The following IFT122 variants were observed in gnomAD, a reference collection of about 807,000 sequenced individuals.
IFT122 encodes the protein intraflagellar transport 122, also known as intraflagellar transport protein 122 homolog.
Under a neutral mutation model 161.6 loss-of-function variants are expected in IFT122, and 118 were observed. That is an observed-to-expected ratio of 0.73 (90% CI 0.63 to 0.85). IFT122 has a LOEUF of 0.85. IFT122 is among the 40% of genes least tolerant of loss of function. IFT122 has a pLI of 0.00. For synonymous variants in IFT122, 550 were observed against 602.4 expected (o/e 0.91, Z 1.27); for missense variants, 1,381 against 1,579.6 (o/e 0.87, Z 2.13).
chr3:129,517,268 G>GCGCGCGCGCGCGCGCGCGCACACACA (rs1553776447), intron 26 of IFT122, among the ~76,000 whole-genome samples: 4 of 117,004 alleles, frequency 3.4e-5, no homozygotes, highest in African/African-American at 9.7e-5. Flanking sequence ...CATTGCTCCT[G>GCGCGCGCGCGCGCGCGCGCACACACA]CACACACACA....
intron 16 of IFT122, among the ~76,000 whole-genome samples, chr3:129,488,645 G>A (rs2079614938): frequency 6.6e-6 from 1 of 151,880 alleles, no homozygotes; most frequent in Non-Finnish European, 1.5e-5. Context: ...GGATCAAATG[G>A]GAGGATGCCT....
intron 25 of IFT122, chr3:129,514,889 T>A: frequency 2.2e-6 from 1 of 459,858 alleles, no homozygotes; most frequent in Non-Finnish European, 4.0e-6. Context: ...CAGAGCTGAC[T>A]CTTACTCTAG....
chr3:129,505,230 T>C (rs2082070706), intron 21 of IFT122, among the ~76,000 whole-genome samples: 1 of 152,198 alleles, frequency 6.6e-6, no homozygotes, highest in Non-Finnish European at 1.5e-5. Flanking sequence ...ATTGGACCAG[T>C]ACCTCTCTGA....
In IFT122 at chr3:129,476,233, G is replaced by T. The variant is rs2077932102; in HGVS notation, c.817-82G>T. On this transcript the variant is annotated intron_variant, in intron 9 of 29. Coordinates refer to ENST00000348417, the MANE Select transcript of IFT122 (RefSeq NM_052989.3). ...GTCTTCCCAACTCCCTCTAAAGTTG[G>T]CGAGAAAAAGCCCTTAATTGTATTG... The T allele has an allele frequency of 8.1e-6, 12 of 1,480,918 alleles. No homozygotes were observed. In the South Asian group the frequency reaches 1.4e-4, roughly 17 times the overall value. The allele number at this position is 1,480,918 out of a possible 1,614,324, so 91.7% of individuals were successfully genotyped here.
At chr3:129,484,602 G>A (rs2079062951) in intron 15 of IFT122, among the ~76,000 whole-genome samples, 1 of 152,180 alleles carries the variant, frequency 6.6e-6, no homozygotes, top group Admixed American at 6.5e-5. Context: ...AGCCTGGCCT[G>A]TAAACAAGAC....
chr3:129,519,808 CGTGGCCCCTGGGAGGA>C (rs1390484269), intron 29 of IFT122, 76 bp downstream of exon 29: 2 of 1,563,272 alleles, frequency 1.3e-6, no homozygotes, highest in Non-Finnish European at 1.8e-6. Flanking sequence ...CTCTGGGAGG[CGTGGCCCCTGGGAGGA>C]GGGGCACATC....
At chr3:129,478,715 G>C (rs1243847251) in intron 12 of IFT122, among the ~76,000 whole-genome samples, 1 of 152,116 alleles carries the variant, frequency 6.6e-6, no homozygotes, top group African/African-American at 2.4e-5. Context: ...CTAAAGTACT[G>C]GGATTATAGG....
chr3:129,519,429 C>A, intron 28 of IFT122, 139 bp from the exon 29 acceptor site: 1 of 1,225,798 alleles, frequency 8.2e-7, no homozygotes, highest in Non-Finnish European at 1.2e-6. Context: ...GTGGGAGGAG[C>A]TTGCCACTGT....
chr3:129,467,818 C>G lies in IFT122; in HGVS notation c.740+752C>G, dbSNP rs540596931. Reference sequence around the variant, plus strand: ...AGTACCTGAGTTTCCTTGGAAGAATCCCACCCTGAGGTCATGGGGGCTGGG... The same window carrying G: ...AGTACCTGAGTTTCCTTGGAAGAATGCCACCCTGAGGTCATGGGGGCTGGG... On this transcript the variant is annotated intron_variant, in intron 8 of 29. Transcript: ENST00000348417. Among the ~76,000 whole-genome samples, 21 of 152,322 alleles carry G rather than the reference C, an allele frequency of 1.4e-4. No homozygotes were observed. In the South Asian group the frequency reaches 4.1e-3, roughly 30 times the overall value.
chr3:129,500,186 C>T, intron 19 of IFT122, 118 bp downstream of exon 19: 3 of 1,223,158 alleles, frequency 2.5e-6, no homozygotes, highest in Non-Finnish European at 3.6e-6. Context: ...GTGATAGTGG[C>T]TAGGTTCTTC....
At chr3:129,451,686 G>T (rs962407281) in intron 2 of IFT122, among the ~76,000 whole-genome samples, 1 of 152,140 alleles carries the variant, frequency 6.6e-6, no homozygotes, top group Non-Finnish European at 1.5e-5. Flanking sequence ...GGTTCTCAAG[G>T]ATTGGTAGTA....
chr3:129,477,493 G>C (rs2078098887), intron 11 of IFT122, among the ~76,000 whole-genome samples: 1 of 152,220 alleles, frequency 6.6e-6, no homozygotes, highest in Non-Finnish European at 1.5e-5. Flanking sequence ...TGGTCCCCCT[G>C]GGGGACCCTA....
chr3:129,463,405 G>A (rs990802611), intron 5 of IFT122, 155 bp from the exon 6 acceptor site: 9 of 655,014 alleles, frequency 1.4e-5, no homozygotes, highest in Non-Finnish European at 1.9e-5. Context: ...AAATGGAATC[G>A]TACAGTATAT....
intron 1 of IFT122, among the ~76,000 whole-genome samples, chr3:129,446,491 A>G (rs1007832933): frequency 6.6e-6 from 1 of 152,160 alleles, no homozygotes; most frequent in African/African-American, 2.4e-5. Context: ...CTGGGATTAC[A>G]GGCATGAGCC....
In IFT122 at chr3:129,514,429, G is replaced by T. The variant is rs747929259; in HGVS notation, c.3028G>T (p.Gly1010Cys). The change falls in exon 25 of 30, where the codon GGT becomes TGT. Residue 1010 changes from glycine (G) to cysteine (C), a missense_variant. Coordinates refer to ENST00000348417, the MANE Select transcript of IFT122 (RefSeq NM_052989.3). ...CTTGGCCAAGCAGAGCAAGGCCCTC[G>T]GTGCCTACAGGCTGGCCCGGCACGC... ...FTLAKQSKALGAYRLARHAYD... is the reference protein window; with the variant it reads ...FTLAKQSKALCAYRLARHAYD... The T allele has an allele frequency of 6.2e-7, 1 of 1,614,172 alleles. No homozygotes were observed. The highest frequency in any genetic ancestry group is 1.7e-5 in the Admixed American group (1 of 60,028).
Position 129,507,746 on chromosome 3 carries a change from C to T in IFT122, c.2870C>T (p.Ala957Val). ...GCAGAGCTGTACCATGGTTACCATG[C>T]CATCCATCGCCACACGGTAAGGTGG... ...RLAELYHGYH[A>V]IHRHTEDPFS... Residue 957 changes from alanine (A) to valine (V), a missense_variant, in exon 23 of 30, where the codon GCC (alanine) becomes GTC (valine). Around this residue, in one of 7 missense-constraint regions of IFT122, gnomAD observed 496 missense variants for 502.5 expected, o/e 0.99. Transcript: ENST00000348417. 6.2e-7 allele frequency: 1 copy of T among 1,613,860 alleles called. No homozygotes were observed. The highest frequency in any genetic ancestry group is 8.5e-7 in the Non-Finnish European group (1 of 1,179,798).
At chr3:129,487,256 C>T (rs2079394964) in intron 15 of IFT122, among the ~76,000 whole-genome samples, 1 of 152,244 alleles carries the variant, frequency 6.6e-6, no homozygotes, top group Non-Finnish European at 1.5e-5. Flanking sequence ...CATGGCCCAA[C>T]TCAAGACTCA....
chr3:129,496,729 C>T (rs2080894615), intron 18 of IFT122, among the ~76,000 whole-genome samples: 1 of 152,176 alleles, frequency 6.6e-6, no homozygotes, highest in African/African-American at 2.4e-5. Flanking sequence ...TCACTCCGTA[C>T]CTGAGACCCA....
chr3:129,483,823 C>A, intron 15 of IFT122, 141 bp downstream of exon 15: 4 of 888,400 alleles, frequency 4.5e-6, no homozygotes, highest in Non-Finnish European at 3.6e-6. Context: ...CAGTCTGGGC[C>A]TGGAACCTGC....
Sources: allele counts gnomAD v4.1 joint callset (sites outside exome capture counted in the v4.1 genomes callset), GRCh38; gene constraint gnomAD v4.1.1; regional missense constraint gnomAD v4.1.1; transcripts MANE v1.5; gene names NCBI Gene and HGNC (gene_info 2026-07-23, HGNC 2026-07-21).